Variants in PIP5K1B observed in about 807,000 individuals in gnomAD.
The protein encoded by PIP5K1B is phosphatidylinositol-4-phosphate 5-kinase type 1 beta.
Under a neutral mutation model 67.0 loss-of-function variants are expected in PIP5K1B, and 42 were observed. That is an observed-to-expected ratio of 0.63 (90% confidence interval 0.49 to 0.81). The LOEUF is 0.81. PIP5K1B is among the 30% of genes least tolerant of loss of function. The pLI is 0.00. For missense variants in PIP5K1B, 459 were observed against 646.3 expected (o/e 0.71, Z 3.14); for synonymous variants, 214 against 231.4 (o/e 0.92, Z 0.68).
intron 4 of PIP5K1B, among the ~76,000 whole-genome samples, chr9:68,839,953 T>G (rs1278680260): frequency 6.6e-6 from 1 of 152,250 alleles, no homozygotes; most frequent in African/African-American, 2.4e-5. Context: ...GACCACTTTC[T>G]GGGACCACAC....
chr9:68,832,324 C>T (rs1468399692), intron 4 of PIP5K1B, among the ~76,000 whole-genome samples: 3 of 152,254 alleles, frequency 2.0e-5, no homozygotes, highest in African/African-American at 7.2e-5. Flanking sequence ...GTTCTGTAGA[C>T]TGTCACAGAA....
chr9:68,926,853 G>A (rs1826730852), intron 12 of PIP5K1B, among the ~76,000 whole-genome samples: 1 of 152,126 alleles, frequency 6.6e-6, no homozygotes, highest in Admixed American at 6.5e-5. Flanking sequence ...ATACAGGCAT[G>A]AGCCACCATG....
chr9:68,762,621 T>C (rs1245468653), intron 2 of PIP5K1B, among the ~76,000 whole-genome samples: 1 of 152,286 alleles, frequency 6.6e-6, no homozygotes, highest in East Asian at 1.9e-4. Context: ...TTTCTGAGTG[T>C]ACTTATAGTG....
intron 14 of PIP5K1B, among the ~76,000 whole-genome samples, chr9:68,973,613 C>T (rs1221014377): frequency 2.0e-5 from 3 of 152,022 alleles, no homozygotes; most frequent in African/African-American, 7.3e-5. Context: ...TTATGGGGAG[C>T]GTATTTGTGG....
intron 2 of PIP5K1B, among the ~76,000 whole-genome samples, chr9:68,798,267 A>C (rs996683506): frequency 5.3e-5 from 8 of 152,174 alleles, no homozygotes; most frequent in African/African-American, 1.9e-4. Flanking sequence ...GATGGTTGTA[A>C]GATTGTTCAC....
chr9:68,848,150 A>G lies in PIP5K1B; in HGVS notation c.70-15687A>G, dbSNP rs1280511630. On this transcript the variant is annotated intron_variant, in intron 4 of 15. Coordinates refer to ENST00000265382, the MANE Select transcript of PIP5K1B (RefSeq NM_003558.4). Reference sequence around the variant, plus strand: ...TTTGTACAAGGCTTGGACTACAGTAAGTACTCAGGAAAGGCCAGCTAGCTA... The same window carrying G: ...TTTGTACAAGGCTTGGACTACAGTAGGTACTCAGGAAAGGCCAGCTAGCTA... Among the ~76,000 whole-genome samples, 13 of 152,354 alleles carry G rather than the reference A, an allele frequency of 8.5e-5. No individual in the cohort carries two copies. The South Asian group carries it at 2.5e-3, about 29-fold the overall frequency.
chr9:68,779,958 C>A, intron 2 of PIP5K1B: 1 of 589,328 alleles, frequency 1.7e-6, no homozygotes, highest in South Asian at 4.0e-5. Context: ...CGCCCCTCCC[C>A]TACCACTGCC....
chr9:68,926,340 T>C (rs1368270706), intron 12 of PIP5K1B, among the ~76,000 whole-genome samples: 2 of 152,136 alleles, frequency 1.3e-5, no homozygotes, highest in Non-Finnish European at 2.9e-5. Flanking sequence ...GTGTCGCAGA[T>C]TTTTCCGGTT....
At chr9:68,884,932 A>G (rs1322363086) in intron 6 of PIP5K1B, among the ~76,000 whole-genome samples, 1 of 152,240 alleles carries the variant, frequency 6.6e-6, no homozygotes, top group Non-Finnish European at 1.5e-5. Flanking sequence ...TAGAGCTACC[A>G]TATGATCCAA....
chr9:68,828,391 T>C (rs536671133), intron 4 of PIP5K1B, among the ~76,000 whole-genome samples: 1 of 152,312 alleles, frequency 6.6e-6, no homozygotes, highest in East Asian at 1.9e-4. Flanking sequence ...GCTCACAGCA[T>C]TCAGAAAGCT....
intron 8 of PIP5K1B, 68 bp from the exon 9 acceptor site, chr9:68,917,480 T>A (rs549911767): frequency 5.7e-5 from 63 of 1,103,610 alleles, no homozygotes; most frequent in Non-Finnish European, 7.8e-5. Flanking sequence ...TAGAGCTCTC[T>A]GATAATGAGT....
intron 2 of PIP5K1B, among the ~76,000 whole-genome samples, chr9:68,770,473 T>C (rs1210573966): frequency 6.6e-6 from 1 of 152,196 alleles, no homozygotes; most frequent in East Asian, 1.9e-4. Flanking sequence ...AATTTGAGTA[T>C]TGACTTGGTT....
At chr9:68,978,090 C>A (rs527967641) in intron 14 of PIP5K1B, among the ~76,000 whole-genome samples, 1 of 152,028 alleles carries the variant, frequency 6.6e-6, no homozygotes, top group South Asian at 2.1e-4. Flanking sequence ...AAATGATTAC[C>A]ACATCAAGCC....
intron 15 of PIP5K1B, among the ~76,000 whole-genome samples, chr9:68,997,273 G>T (rs1192348734): frequency 6.6e-5 from 10 of 152,124 alleles, no homozygotes; most frequent in Admixed American, 6.6e-4. Context: ...GAACTTTTTT[G>T]GCAAAAGAAA....
intron 2 of PIP5K1B, among the ~76,000 whole-genome samples, chr9:68,768,526 GGA>G (rs1462167765): frequency 6.6e-6 from 1 of 152,222 alleles, no homozygotes; most frequent in Non-Finnish European, 1.5e-5. Context: ...TGTAAAGTAA[GGA>G]GAGAGAAGAA....
intron 2 of PIP5K1B, among the ~76,000 whole-genome samples, chr9:68,771,701 T>A (rs148274307): frequency 6.6e-6 from 1 of 152,318 alleles, no homozygotes; most frequent in African/African-American, 2.4e-5. Flanking sequence ...TAAGACAGCC[T>A]TGTCTGATGA....
At chr9:68,942,604 C>A (rs1253969863) in intron 14 of PIP5K1B, among the ~76,000 whole-genome samples, 1 of 152,070 alleles carries the variant, frequency 6.6e-6, no homozygotes, top group Non-Finnish European at 1.5e-5. Context: ...TGGAAGCTAC[C>A]TCTGCATGTT....
chr9:68,796,783 T>A (rs1832318227), intron 2 of PIP5K1B, among the ~76,000 whole-genome samples: 1 of 152,182 alleles, frequency 6.6e-6, no homozygotes, highest in African/African-American at 2.4e-5. Flanking sequence ...TAGATATCTA[T>A]CCCACAGATT....
intron 3 of PIP5K1B, among the ~76,000 whole-genome samples, chr9:68,822,191 C>A (rs2151422): frequency 0.69 from 104,459 of 151,876 alleles, 36,163 homozygotes; most frequent in Admixed American, 0.77. Context: ...CACGGTGGCA[C>A]ATGCCTATAA....
Sources: gnomAD v4.1 joint callset for allele counts (sites outside exome capture counted in the v4.1 genomes callset) on GRCh38, gnomAD v4.1.1 for gene constraint, MANE v1.5 for transcripts, NCBI Gene and HGNC (gene_info 2026-07-23, HGNC 2026-07-21) for gene names.